DIS3: variants seen among roughly 807,000 people sequenced by gnomAD.
DIS3 encodes exosome complex exonuclease RRP44.
A neutral mutation model predicts 113.0 loss-of-function variants in DIS3; 103 were observed. That is an observed-to-expected ratio of 0.91 (90% confidence interval 0.78 to 1.07). DIS3 has a LOEUF of 1.07. Among genes scored for constraint, DIS3 ranks in the 50% least tolerant of loss-of-function variants. The pLI is 0.00. For synonymous variants in DIS3, 402 were observed against 394.3 expected (o/e 1.02, Z -0.23); for missense variants, 1,121 against 1,167.1 (o/e 0.96, Z 0.58).
chr13:72,755,978 G>T lies in DIS3; in HGVS notation c.*3817C>A, dbSNP rs2033455050. The T allele has an allele frequency of 2.5e-6, 1 of 398,584 alleles. No homozygotes were observed. Among genetic ancestry groups the T allele is most frequent in the Non-Finnish European group, 4.4e-6 (1 of 226,072 alleles). 24.7% of individuals were successfully genotyped at this position (398,584 alleles called of 1,614,324 possible). On this transcript the variant is annotated 3_prime_UTR_variant, in exon 21 of 21. Coordinates refer to ENST00000377767, the MANE Select transcript of DIS3 (RefSeq NM_014953.5). ...GAACCAAGAGAAAAAGTGGGGCTGG[G>T]AGAGTGGAGTTCCCGTAGGGCATAG... is the stretch of plus-strand genomic sequence containing the variant.
At chr13:72,769,766 T>C (rs886323324) in intron 13 of DIS3, among the ~76,000 whole-genome samples, 1 of 152,214 alleles carries the variant, frequency 6.6e-6, no homozygotes, top group Non-Finnish European at 1.5e-5. Flanking sequence ...AATTCACACA[T>C]CATTATTTAC....
Position 72,778,504 on chromosome 13 carries a change from A to C in DIS3, c.387-124T>G, listed in dbSNP as rs1248643423. On this transcript the variant is annotated intron_variant, in intron 2 of 20. Coordinates refer to ENST00000377767, the MANE Select transcript of DIS3 (RefSeq NM_014953.5). ...GTCAATGGTATATCTTTTCTCTTGA[A>C]TGTATTCAGATGTACACCTCAGAGA... 4 of 594,166 alleles carry C rather than the reference A, an allele frequency of 6.7e-6. No homozygotes were observed. In the African/African-American group the frequency reaches 7.3e-5, roughly 11 times the overall value. The allele number at this position is 594,166 out of a possible 1,614,324, so 36.8% of individuals were successfully genotyped here. A position where few individuals can be genotyped will look rare whatever the true frequency, so the allele number is the denominator to read the frequency against.
intron 1 of DIS3, 199 bp downstream of exon 1, chr13:72,781,406 C>T (rs1376922728): frequency 1.3e-6 from 2 of 1,528,988 alleles, no homozygotes; most frequent in Non-Finnish European, 1.8e-6. Context: ...GTCTGAACTA[C>T]GACTCCAAGA....
In DIS3 at chr13:72,755,810, T is replaced by C; in HGVS notation, c.*3985A>G. ...TTTAAGTATGTAAATACTAGAAAGGTAGTACTAGTGACATCATCACGTGTA... is the reference window on the plus strand; with the variant it reads ...TTTAAGTATGTAAATACTAGAAAGGCAGTACTAGTGACATCATCACGTGTA... On this transcript the variant is annotated 3_prime_UTR_variant, in exon 21 of 21. Transcript: ENST00000377767. 2.5e-6 allele frequency: 1 copy of C among 398,542 alleles called. No homozygotes were observed. The highest frequency in any genetic ancestry group is 4.4e-6 in the Non-Finnish European group (1 of 226,080). The allele number at this position is 398,542 out of a possible 1,614,324, so 24.7% of individuals were successfully genotyped here. A position where few individuals can be genotyped will look rare whatever the true frequency, so the allele number is the denominator to read the frequency against.
rs972775938 is a variant in DIS3 at position 72,771,699 on chromosome 13, C to T, written c.1605+96G>A. The stretch of plus-strand genomic sequence containing the variant: ...TTGCAATATATTTAGTGATTTAAAG[C>T]CACATTATTCCATGTATTTTTCTTA... On this transcript the variant is annotated intron_variant, in intron 11 of 20. Coordinates refer to ENST00000377767, the MANE Select transcript of DIS3 (RefSeq NM_014953.5). The T allele has an allele frequency of 6.7e-6, 8 of 1,202,008 alleles. No homozygotes were observed. In the African/African-American group the frequency reaches 1.1e-4, roughly 16 times the overall value. 74.5% of individuals were successfully genotyped at this position (1,202,008 alleles called of 1,614,324 possible).
intron 16 of DIS3, among the ~76,000 whole-genome samples, chr13:72,762,680 C>T (rs2033654624): frequency 2.0e-5 from 3 of 152,152 alleles, no homozygotes; most frequent in Non-Finnish European, 2.9e-5. Flanking sequence ...GTAAGCACCC[C>T]TAAATGAAAA....
chr13:72,774,851 G>T (rs1358945886), intron 6 of DIS3, among the ~76,000 whole-genome samples: 1 of 152,050 alleles, frequency 6.6e-6, no homozygotes, highest in Non-Finnish European at 1.5e-5. Flanking sequence ...TTTACCTAAA[G>T]CATTTTCTAA....
chr13:72,763,737 G>A, intron 15 of DIS3, 130 bp from the exon 16 acceptor site: 1 of 851,886 alleles, frequency 1.2e-6, no homozygotes, highest in Non-Finnish European at 1.7e-6. Flanking sequence ...ATTCATATGT[G>A]TGTGTACATT....
Position 72,776,079 on chromosome 13 carries a change from C to A in DIS3, c.668G>T (p.Ser223Ile). The change falls in exon 5 of 21, where the codon AGT becomes ATT. Residue 223 changes from serine to isoleucine, a missense_variant. Coordinates refer to ENST00000377767, the MANE Select transcript of DIS3 (RefSeq NM_014953.5). Reference sequence around the variant, plus strand: ...ATGCTCTGAAAATATTATTTTTCCACTTTCTATTTCATTCTATGAAAGAAG... The same window carrying A: ...ATGCTCTGAAAATATTATTTTTCCAATTTCTATTTCATTCTATGAAAGAAG... ...CLSEEGNEIE[S>I]GKIIFSEHLP... 1 of 1,595,684 alleles carries A rather than the reference C, an allele frequency of 6.3e-7. No individual in the cohort carries two copies.
rs1377990558 is a variant in DIS3, at chr13:72,753,951, T to C, written c.*5844A>G. 20 of 937,786 alleles carry C rather than the reference T, an allele frequency of 2.1e-5. No homozygotes were observed. The East Asian group carries it at 5.1e-4, about 24-fold the overall frequency. The allele number at this position is 937,786 out of a possible 1,614,324, so 58.1% of individuals were successfully genotyped here. ...AACACTAAAAGGTAAGCCTGTTTTC[T>C]TAACATCCAATAACCTTTAAATATT... On this transcript the variant is annotated 3_prime_UTR_variant, in exon 21 of 21. Coordinates refer to ENST00000377767, the MANE Select transcript of DIS3 (RefSeq NM_014953.5).
chr13:72,767,421 A>T (rs1566243023), intron 14 of DIS3, among the ~76,000 whole-genome samples: 1 of 152,148 alleles, frequency 6.6e-6, no homozygotes, highest in African/African-American at 2.4e-5. Flanking sequence ...AAATTCAATT[A>T]TCTTCTTCTT....
intron 9 of DIS3, 133 bp from the exon 10 acceptor site, chr13:72,772,408 C>A (rs760480162): frequency 1.6e-5 from 12 of 745,054 alleles, no homozygotes; most frequent in African/African-American, 1.6e-4. Flanking sequence ...AACCACATTT[C>A]TTTTTCCTGC....
intron 15 of DIS3, 92 bp from the exon 16 acceptor site, chr13:72,763,699 A>T: frequency 2.4e-6 from 3 of 1,230,112 alleles, no homozygotes; most frequent in Non-Finnish European, 3.3e-6. Context: ...GTTACCAAGA[A>T]GATAATAAGA....
At chr13:72,770,081 A>T (rs1428244889) in intron 13 of DIS3, among the ~76,000 whole-genome samples, 1 of 152,208 alleles carries the variant, frequency 6.6e-6, no homozygotes, top group East Asian at 1.9e-4. Context: ...AATGTGAAGA[A>T]AGAAGTGGTG....
intron 14 of DIS3, among the ~76,000 whole-genome samples, chr13:72,766,305 G>C (rs1473574425): frequency 6.6e-6 from 1 of 152,150 alleles, no homozygotes; most frequent in African/African-American, 2.4e-5. Flanking sequence ...AAGGAAATCT[G>C]AATCCCTGTG....
rs1305357858 is a variant in DIS3 at position 72,760,527 on chromosome 13, A to C, written c.2793+2T>G. On this transcript the variant is annotated splice_donor_variant, in intron 20 of 20. Coordinates refer to ENST00000377767, the MANE Select transcript of DIS3 (RefSeq NM_014953.5). LOFTEE classifies it high-confidence loss of function. ...ACAAGGAAATTTTAAGTTTGGCCTT[A>C]CCTGTGGTTCTACCAGGGACATTCG... The C allele has an allele frequency of 6.2e-7, 1 of 1,613,344 alleles. No homozygotes were observed. The highest frequency in any genetic ancestry group is 2.2e-5 in the East Asian group (1 of 44,792).
Position 72,780,905 on chromosome 13 carries a change from G to T in DIS3, c.327C>A (p.Ile109=), listed in dbSNP as rs538839248. 8.1e-6 allele frequency: 13 copies of T among 1,612,316 alleles called. No individual in the cohort carries two copies. In the East Asian group the frequency reaches 1.3e-4, roughly 17 times the overall value. The change falls in exon 2 of 21, where the codon ATC becomes ATA. Residue 109 remains isoleucine (I), a synonymous_variant. Coordinates refer to ENST00000377767, the MANE Select transcript of DIS3 (RefSeq NM_014953.5). ...RNRSAPVYKR[I]RDVTNNQEKH... ...TCTCTTGGTTATTAGTCACATCTCG[G>T]ATGCGTTTATATACGGGGGCACTGC...
At chr13:72,773,861 T>C (rs1191352990) in intron 7 of DIS3, 40 bp from the exon 8 acceptor site, 10 of 1,596,880 alleles carry the variant, frequency 6.3e-6, no homozygotes, top group Non-Finnish European at 7.7e-6. Flanking sequence ...ACAAAAAAAA[T>C]CTGAGGATGG....
At position 72,781,823 on chromosome 13, in the gene DIS3, A is replaced by T. The variant is rs1213608536; in HGVS notation, c.10T>A (p.Ser4Thr). MLK[S>T]KTFLKKTRAG... ...CGGGTCTTTTTTAAGAACGTCTTGG[A>T]CTTGAGCATCTTGCCTCGCCGCGCA... is the stretch of plus-strand genomic sequence containing the variant. Residue 4 changes from serine to threonine, a missense_variant, in exon 1 of 21, where the codon TCC becomes ACC. By Grantham distance (58) the Ser-to-Thr change is moderately conservative. This residue lies in a region of DIS3 where 254 missense variants were observed against 232.2 expected (regional missense o/e 1.09). Transcript: ENST00000377767. 6.3e-7 allele frequency: 1 copy of T among 1,589,462 alleles called. No individual in the cohort carries two copies. Among genetic ancestry groups the T allele is most frequent in the Non-Finnish European group, 8.6e-7 (1 of 1,165,570 alleles).
Sources: allele counts gnomAD v4.1 joint callset (sites outside exome capture counted in the v4.1 genomes callset), GRCh38; gene constraint gnomAD v4.1.1; regional missense constraint gnomAD v4.1.1; transcripts MANE v1.5; gene names NCBI Gene and HGNC (gene_info 2026-07-23, HGNC 2026-07-21).